The following KIAA1328 variants were observed in gnomAD, a reference collection of about 807,000 sequenced individuals.
KIAA1328 encodes the protein protein hinderin.
In KIAA1328, 52 loss-of-function variants were observed where a neutral mutation model predicts 68.1. The observed-to-expected ratio is 0.76, with a 90% confidence interval of 0.61 to 0.96. The LOEUF (loss-of-function observed/expected upper bound fraction) is 0.96, where lower values mean the gene tolerates loss of function less well. KIAA1328 is among the 40% of genes least tolerant of loss of function. KIAA1328 has a pLI of 0.00. For synonymous variants in KIAA1328, 232 were observed against 239.4 expected (o/e 0.97, Z 0.28); for missense variants, 641 against 677.6 (o/e 0.95, Z 0.60).
chr18:37,037,240 T>G (rs2055062614), intron 6 of KIAA1328, among the ~76,000 whole-genome samples: 1 of 152,192 alleles, frequency 6.6e-6, no homozygotes, highest in African/African-American at 2.4e-5. Flanking sequence ...TGAAATGAGA[T>G]AAAGTTGGAG....
At chr18:37,133,289 G>A (rs955153221) in intron 7 of KIAA1328, among the ~76,000 whole-genome samples, 4 of 150,582 alleles carry the variant, frequency 2.7e-5, no homozygotes, top group East Asian at 3.9e-4. Flanking sequence ...TGGAGGTCAC[G>A]CCATTGTACT....
intron 5 of KIAA1328, among the ~76,000 whole-genome samples, chr18:36,917,945 T>C (rs2049770231): frequency 6.6e-6 from 1 of 152,158 alleles, no homozygotes; most frequent in Admixed American, 6.5e-5. Flanking sequence ...TTCTGGCTCA[T>C]CTCCAGCGAT....
At chr18:37,153,982 C>G (rs1164556742) in intron 7 of KIAA1328, among the ~76,000 whole-genome samples, 1 of 152,000 alleles carries the variant, frequency 6.6e-6, no homozygotes, top group Non-Finnish European at 1.5e-5. Flanking sequence ...TCACTGACAC[C>G]CCTTTCCCTC....
At chr18:37,147,040 C>T (rs1384864329) in intron 7 of KIAA1328, among the ~76,000 whole-genome samples, 4 of 152,136 alleles carry the variant, frequency 2.6e-5, no homozygotes, top group South Asian at 4.1e-4. Context: ...TCACCCCTCT[C>T]CTTCCCACCT....
intron 6 of KIAA1328, among the ~76,000 whole-genome samples, chr18:37,054,773 T>A (rs2055843823): frequency 6.6e-6 from 1 of 152,184 alleles, no homozygotes; most frequent in African/African-American, 2.4e-5. Context: ...ATGCAGTACA[T>A]CCACATAACA....
At chr18:37,211,528 A>G (rs1308431469) in intron 9 of KIAA1328, among the ~76,000 whole-genome samples, 2 of 152,168 alleles carry the variant, frequency 1.3e-5, no homozygotes, top group Non-Finnish European at 2.9e-5. Context: ...TTTTCCTGCC[A>G]AGACAATTGA....
At chr18:37,164,157 T>C (rs1165157609) in intron 8 of KIAA1328, among the ~76,000 whole-genome samples, 1 of 152,208 alleles carries the variant, frequency 6.6e-6, no homozygotes, top group African/African-American at 2.4e-5. Flanking sequence ...CGTCAGAATA[T>C]AAGTTCCATA....
At chr18:37,197,222 A>C (rs550114330) in intron 9 of KIAA1328, among the ~76,000 whole-genome samples, 3 of 151,358 alleles carry the variant, frequency 2.0e-5, no homozygotes, top group Admixed American at 2.0e-4. Context: ...TTTTTTTCTT[A>C]ATCTAGCTAA....
chr18:36,928,703 C>T (rs372844852), intron 5 of KIAA1328, among the ~76,000 whole-genome samples: 7 of 152,194 alleles, frequency 4.6e-5, no homozygotes, highest in East Asian at 1.9e-4. Flanking sequence ...TGAGTGTGTG[C>T]GCACGCATGT....
At chr18:37,213,443 C>CT (rs2060357831) in intron 9 of KIAA1328, among the ~76,000 whole-genome samples, 1 of 152,168 alleles carries the variant, frequency 6.6e-6, no homozygotes, top group African/African-American at 2.4e-5. Flanking sequence ...ATGATGGTTT[C>CT]CAGCTTCATC....
intron 7 of KIAA1328, among the ~76,000 whole-genome samples, chr18:37,071,161 C>T (rs1246614127): frequency 6.8e-6 from 1 of 146,858 alleles, no homozygotes; most frequent in Non-Finnish European, 1.5e-5. Flanking sequence ...CAGCCTTGAC[C>T]TCCTGGGCTC....
chr18:37,114,346 T>G (rs569804384), intron 7 of KIAA1328, among the ~76,000 whole-genome samples: 1 of 152,268 alleles, frequency 6.6e-6, no homozygotes, highest in African/African-American at 2.4e-5. Context: ...GAACTCAGGA[T>G]TAAGAAACTC....
At chr18:37,031,376 A>G (rs1181680961) in intron 6 of KIAA1328, among the ~76,000 whole-genome samples, 3 of 152,144 alleles carry the variant, frequency 2.0e-5, no homozygotes, top group African/African-American at 7.2e-5. Flanking sequence ...GGATTATTAT[A>G]TAGTCTTGGT....
chr18:36,856,279 TTCTC>T (rs1218253716), intron 4 of KIAA1328, among the ~76,000 whole-genome samples: 1 of 152,108 alleles, frequency 6.6e-6, no homozygotes, highest in African/African-American at 2.4e-5. Flanking sequence ...TTGCCTTTCT[TTCTC>T]TCTTCTTCCT....
chr18:37,016,332 C>A lies in KIAA1328; in HGVS notation c.577-50558C>A, dbSNP rs540136101. ...TGTATTTGTTGAACCAACCTTGCAT[C>A]CCAGGAACAAAGCCTACTTGATCAT... On this transcript the variant is annotated intron_variant, in intron 6 of 9. Coordinates refer to ENST00000280020, the MANE Select transcript of KIAA1328 (RefSeq NM_020776.3). Among the ~76,000 whole-genome samples the A allele has an allele frequency of 1.1e-3, 160 of 152,198 alleles. 2 individuals are homozygous for A. The highest frequency in any genetic ancestry group is 3.8e-3 in the African/African-American group (158 of 41,554).
intron 4 of KIAA1328, among the ~76,000 whole-genome samples, chr18:36,881,418 C>A (rs1238667428): frequency 1.3e-5 from 2 of 151,946 alleles, no homozygotes; most frequent in Non-Finnish European, 2.9e-5. Flanking sequence ...ATTCTTATTT[C>A]ACTTGGAGTT....
At chr18:37,141,787 A>G (rs2058770263) in intron 7 of KIAA1328, among the ~76,000 whole-genome samples, 1 of 152,232 alleles carries the variant, frequency 6.6e-6, no homozygotes, top group Non-Finnish European at 1.5e-5. Flanking sequence ...TTTAATGGAT[A>G]TGAAATAGCA....
chr18:36,879,503 G>C (rs1319248801), intron 4 of KIAA1328, among the ~76,000 whole-genome samples: 1 of 152,236 alleles, frequency 6.6e-6, no homozygotes, highest in Non-Finnish European at 1.5e-5. Flanking sequence ...ATGGGGGTCA[G>C]AGACTCACTT....
intron 6 of KIAA1328, among the ~76,000 whole-genome samples, chr18:36,984,942 T>C (rs2052853963): frequency 6.6e-6 from 1 of 150,660 alleles, no homozygotes; most frequent in Non-Finnish European, 1.5e-5. Flanking sequence ...AGCAATATCC[T>C]GTGTTCATGA....
Sources: gnomAD v4.1 joint callset for allele counts (sites outside exome capture counted in the v4.1 genomes callset) on GRCh38, gnomAD v4.1.1 for gene constraint, MANE v1.5 for transcripts, NCBI Gene and HGNC (gene_info 2026-07-23, HGNC 2026-07-21) for gene names.